The following BMP7 variants were observed in gnomAD, a reference collection of about 807,000 sequenced individuals.
BMP7 encodes the protein bone morphogenetic protein 7, also known as osteogenic protein 1.
In BMP7, 12 loss-of-function variants were observed where a neutral mutation model predicts 41.2. That is an observed-to-expected ratio of 0.29 (90% confidence interval 0.19 to 0.47). BMP7 has a LOEUF of 0.47. BMP7 is among the 20% of genes least tolerant of loss of function. The pLI, the probability that BMP7 is intolerant of heterozygous loss-of-function variation, is 0.99. For missense variants in BMP7, 467 were observed against 606.0 expected (o/e 0.77, Z 2.41); for synonymous variants, 248 against 250.0 (o/e 0.99, Z 0.07).
chr20:57,193,014 C>G (rs1005477932), intron 3 of BMP7, among the ~76,000 whole-genome samples: 1 of 152,110 alleles, frequency 6.6e-6, no homozygotes, highest in Non-Finnish European at 1.5e-5. Context: ...ACCTGACAGG[C>G]AGGTAGAGGG....
Position 57,266,359 on chromosome 20 carries a change from T to C in BMP7, c.-237A>G. 1 of 260,386 alleles carries C rather than the reference T, an allele frequency of 3.8e-6. No homozygotes were observed. Among genetic ancestry groups the C allele is most frequent in the East Asian group, 8.2e-5 (1 of 12,174 alleles). 16.1% of individuals were successfully genotyped at this position (260,386 alleles called of 1,614,324 possible). ...ACTCGCCCGGGCGCACCGCAGGGCT[T>C]GGAAAGCAGCCCCGGCGAACGAAAA... On this transcript the variant is annotated 5_prime_UTR_variant, in exon 1 of 7. Coordinates refer to ENST00000395863, the MANE Select transcript of BMP7 (RefSeq NM_001719.3).
Position 57,254,661 on chromosome 20 carries a change from C to A in BMP7, c.418+11044G>T, listed in dbSNP as rs868044663. 2.9e-3 allele frequency among the ~76,000 whole-genome samples: 433 copies of A among 147,470 alleles called. 4 individuals carry two copies. The highest frequency in any genetic ancestry group is 5.0e-3 in the South Asian group (23 of 4,644). The stretch of plus-strand genomic sequence containing the variant: ...CATTGATACAGTAAAAAAAAAAAAA[C>A]AAAAAACAAAAACAAAAAGAAGTCC... On this transcript the variant is annotated intron_variant, in intron 1 of 6. Coordinates refer to ENST00000395863, the MANE Select transcript of BMP7 (RefSeq NM_001719.3).
rs2066176320 is a variant in BMP7 at position 57,265,993 on chromosome 20, G to A, written c.130C>T (p.Arg44Trp). 1.9e-6 allele frequency: 3 copies of A among 1,550,230 alleles called. No homozygotes were observed. Among genetic ancestry groups the A allele is most frequent in the East Asian group, 2.4e-5 (1 of 40,950 alleles). Residue 44 changes from arginine to tryptophan, a missense_variant, in exon 1 of 7, where the codon CGG becomes TGG. This residue lies in a region of BMP7 where 407 missense variants were observed against 485.9 expected (regional missense o/e 0.84). Coordinates refer to ENST00000395863, the MANE Select transcript of BMP7 (RefSeq NM_001719.3). Reference sequence around the variant, plus strand: ...CGCCGCTCCTGGCTGCGGAGGCGCCGGTGGATGAAGCTCGAGTGCACCTCG... The same window carrying A: ...CGCCGCTCCTGGCTGCGGAGGCGCCAGTGGATGAAGCTCGAGTGCACCTCG... ...DNEVHSSFIH[R>W]RLRSQERREM...
intron 1 of BMP7, among the ~76,000 whole-genome samples, chr20:57,262,632 C>G (rs1306852648): frequency 2.0e-5 from 3 of 152,180 alleles, no homozygotes; most frequent in African/African-American, 7.2e-5. Flanking sequence ...AGGGTCCCCC[C>G]TCCCGCGCAC....
intron 2 of BMP7, among the ~76,000 whole-genome samples, chr20:57,221,808 T>C (rs1985194988): frequency 1.6e-5 from 1 of 61,818 alleles, no homozygotes. Context: ...AGACCCTATC[T>C]CTCAAAAAAA....
At chr20:57,184,261 G>A (rs139220642) in intron 3 of BMP7, among the ~76,000 whole-genome samples, 6 of 152,310 alleles carry the variant, frequency 3.9e-5, no homozygotes, top group East Asian at 3.9e-4. Context: ...AAAGCAGGTC[G>A]TGGTATCTGC....
chr20:57,248,271 C>T (rs2066098060), intron 1 of BMP7, among the ~76,000 whole-genome samples: 1 of 152,188 alleles, frequency 6.6e-6, no homozygotes, highest in Non-Finnish European at 1.5e-5. Flanking sequence ...GAGAGAGAAA[C>T]CATTTCAATC....
chr20:57,265,980 C>G lies in BMP7; in HGVS notation c.143G>C (p.Ser48Thr). 1 of 1,551,282 alleles carries G rather than the reference C, an allele frequency of 6.4e-7. No homozygotes were observed. Among genetic ancestry groups the G allele is most frequent in the Non-Finnish European group, 8.7e-7 (1 of 1,147,290 alleles). The change falls in exon 1 of 7, where the codon AGC becomes ACC. Residue 48 changes from serine to threonine, a missense_variant. Around this residue, in one of 2 missense-constraint regions of BMP7, gnomAD observed 407 missense variants for 485.9 expected, o/e 0.84. Coordinates refer to ENST00000395863, the MANE Select transcript of BMP7 (RefSeq NM_001719.3). Reference protein sequence around the residue: ...HSSFIHRRLRSQERREMQREI... With the variant: ...HSSFIHRRLRTQERREMQREI... The stretch of plus-strand genomic sequence containing the variant: ...GCGCTGCATCTCCCGCCGCTCCTGG[C>G]TGCGGAGGCGCCGGTGGATGAAGCT...
chr20:57,188,475 G>T (rs1984271974), intron 3 of BMP7, among the ~76,000 whole-genome samples: 1 of 151,374 alleles, frequency 6.6e-6, no homozygotes, highest in Non-Finnish European at 1.5e-5. Context: ...GCTCTTAAGG[G>T]ATATTTCGGA....
intron 2 of BMP7, among the ~76,000 whole-genome samples, chr20:57,220,123 G>C (rs1289115802): frequency 6.6e-6 from 1 of 152,192 alleles, no homozygotes; most frequent in Non-Finnish European, 1.5e-5. Flanking sequence ...GTGGCAAAAT[G>C]GAAAGCCATG....
intron 1 of BMP7, among the ~76,000 whole-genome samples, chr20:57,256,433 C>T (rs141245302): frequency 6.6e-5 from 10 of 152,338 alleles, no homozygotes; most frequent in Non-Finnish European, 1.3e-4. Context: ...TGGTGCTTTG[C>T]CTTTCTGAGC....
chr20:57,182,267 G>A (rs1290547300), intron 4 of BMP7, among the ~76,000 whole-genome samples: 2 of 152,186 alleles, frequency 1.3e-5, no homozygotes, highest in Admixed American at 1.3e-4. Flanking sequence ...GTCCACAGAT[G>A]CCCACAGTGC....
In BMP7 at chr20:57,259,719, C is replaced by T. The variant is rs866768836; in HGVS notation, c.418+5986G>A. 7.9e-5 allele frequency among the ~76,000 whole-genome samples: 12 copies of T among 152,286 alleles called. No individual in the cohort carries two copies. The highest frequency in any genetic ancestry group is 3.4e-3 in the Middle Eastern group (1 of 294). The stretch of plus-strand genomic sequence containing the variant: ...GTATTGCACATGCTTGCCTGAGTTT[C>T]GCATAAGTAAGTGTCAAACTTCATG... On this transcript the variant is annotated intron_variant, in intron 1 of 6. Transcript: ENST00000395863. The surrounding 1 kb of genome is among the most constrained non-coding windows in gnomAD (Gnocchi z 4.7).
rs1037901006 is a variant in BMP7, at chr20:57,215,874, G to T, written c.611+12355C>A. 6.6e-6 allele frequency: 1 copy of T among 150,968 alleles called. No homozygotes were observed. Among genetic ancestry groups the T allele is most frequent in the African/African-American group, 2.4e-5 (1 of 41,190 alleles). 9.4% of individuals were successfully genotyped at this position (150,968 alleles called of 1,614,324 possible). The stretch of plus-strand genomic sequence containing the variant: ...ACAAGCACCACAAATACAGTCTTCG[G>T]GCTGGGTCATCTTTCCAACCTCATT... On this transcript the variant is annotated intron_variant, in intron 2 of 6. Transcript: ENST00000395863. The surrounding 1 kb of genome is among the most constrained non-coding windows in gnomAD (Gnocchi z 4.2).
At chr20:57,197,061 C>G (rs1161979687) in intron 3 of BMP7, among the ~76,000 whole-genome samples, 1 of 152,046 alleles carries the variant, frequency 6.6e-6, no homozygotes, top group Non-Finnish European at 1.5e-5. Flanking sequence ...ACCACCACAC[C>G]TGGCTAACTG....
chr20:57,228,537 A>ACTGGGGTCACTGGCAAT lies in BMP7; in HGVS notation c.419-117_419-116insATTGCCAGTGACCCCAG. 1.7e-6 allele frequency: 2 copies of ACTGGGGTCACTGGCAAT among 1,211,686 alleles called. No homozygotes were observed. The highest frequency in any genetic ancestry group is 2.4e-6 in the Non-Finnish European group (2 of 824,934). The allele number at this position is 1,211,686 out of a possible 1,614,324, so 75.1% of individuals were successfully genotyped here. A position where few individuals can be genotyped will look rare whatever the true frequency, so the allele number is the denominator to read the frequency against. On this transcript the variant is annotated intron_variant, in intron 1 of 6. Transcript: ENST00000395863. This position sits in a 1 kb window ranked among gnomAD's most constrained non-coding sequence, Gnocchi z 4.5. Reference sequence around the variant, plus strand: ...GCTAGATGGAGGCATGCCCATTGCCAGTGACCCCAGTGACAACTGCTCCTT... The same window carrying ACTGGGGTCACTGGCAAT: ...GCTAGATGGAGGCATGCCCATTGCCACTGGGGTCACTGGCAATGTGACCCCAGTGACAACTGCTCCTT...
intron 2 of BMP7, among the ~76,000 whole-genome samples, chr20:57,222,660 A>G (rs1985215014): frequency 6.6e-6 from 1 of 152,106 alleles, no homozygotes; most frequent in African/African-American, 2.4e-5. Context: ...CCCAGCAGCC[A>G]AAAGGAATCC....
chr20:57,253,470 A>C (rs2066122222), intron 1 of BMP7, among the ~76,000 whole-genome samples: 1 of 152,204 alleles, frequency 6.6e-6, no homozygotes, highest in South Asian at 2.1e-4. Flanking sequence ...CACCTTATGA[A>C]TGAGGAAAAG....
chr20:57,265,775 G>A lies in BMP7; in HGVS notation c.348C>T (p.Pro116=). ...GGCTATCTTGCAGGCTGGCCAGAGG[G>A]GGGCCCTGGGTACTGAAGACGGCCT... ...PYKAVFSTQG[P]PLASLQDSHF... Residue 116 remains proline, a synonymous_variant, in exon 1 of 7, where the codon CCC becomes CCT. Coordinates refer to ENST00000395863, the MANE Select transcript of BMP7 (RefSeq NM_001719.3). 1 of 1,610,746 alleles carries A rather than the reference G, an allele frequency of 6.2e-7. No homozygotes were observed. Among genetic ancestry groups the A allele is most frequent in the Non-Finnish European group, 8.5e-7 (1 of 1,178,744 alleles).
Sources: gnomAD v4.1 joint callset for allele counts (sites outside exome capture counted in the v4.1 genomes callset) on GRCh38, gnomAD v4.1.1 for gene constraint, gnomAD v4.1.1 regional missense constraint, Gnocchi (gnomAD v3.1) non-coding constraint, MANE v1.5 for transcripts, NCBI Gene and HGNC (gene_info 2026-07-23, HGNC 2026-07-21) for gene names.